SAMD4A: variants seen among roughly 807,000 people sequenced by gnomAD.
SAMD4A encodes the protein protein Smaug homolog 1.
In SAMD4A, 33 loss-of-function variants were observed where a neutral mutation model predicts 81.3. That is an observed-to-expected ratio of 0.41 (90% CI 0.31 to 0.54). SAMD4A has a LOEUF of 0.54. SAMD4A is among the 20% of genes least tolerant of loss of function. The pLI is 0.37. For synonymous variants in SAMD4A, 389 were observed against 382.1 expected (o/e 1.02, Z -0.21); for missense variants, 854 against 951.1 (o/e 0.90, Z 1.34).
intron 2 of SAMD4A, among the ~76,000 whole-genome samples, chr14:54,646,097 C>T (rs1278720804): frequency 7.2e-5 from 11 of 152,138 alleles, no homozygotes; most frequent in African/African-American, 1.7e-4. Flanking sequence ...TCTTTGTGAT[C>T]GACAAAATGA....
intron 2 of SAMD4A, among the ~76,000 whole-genome samples, chr14:54,699,093 CCT>C (rs2036646120): frequency 6.6e-6 from 1 of 152,182 alleles, no homozygotes; most frequent in African/African-American, 2.4e-5. Flanking sequence ...ACACTAGCCA[CCT>C]CTGATTACAG....
intron 6 of SAMD4A, among the ~76,000 whole-genome samples, chr14:54,758,453 G>C (rs114781770): frequency 0.013 from 1,917 of 152,358 alleles, 42 homozygotes; most frequent in African/African-American, 0.044. Context: ...TCAAGCAAGT[G>C]TAAGAGATGA....
At chr14:54,622,434 A>T (rs556556885) in intron 2 of SAMD4A, among the ~76,000 whole-genome samples, 49 of 152,380 alleles carry the variant, frequency 3.2e-4, no homozygotes, top group African/African-American at 1.1e-3. Context: ...GAGCTTATAC[A>T]TAAAGTTGTG....
intron 3 of SAMD4A, among the ~76,000 whole-genome samples, chr14:54,717,269 C>T (rs957967509): frequency 7.2e-5 from 11 of 151,838 alleles, no homozygotes; most frequent in African/African-American, 2.2e-4. Flanking sequence ...AGCTAGACCC[C>T]TATCTCTACA....
chr14:54,778,320 AGAATCTTCCACCTATAC>A (rs1398607080), intron 11 of SAMD4A, among the ~76,000 whole-genome samples: 21 of 152,184 alleles, frequency 1.4e-4, no homozygotes, highest in Non-Finnish European at 2.6e-4. Context: ...GTTTGTTGAT[AGAATCTTCCACCTATAC>A]CTTTGTTTCC....
chr14:54,674,220 A>G (rs1194419767), intron 2 of SAMD4A, among the ~76,000 whole-genome samples: 1 of 152,256 alleles, frequency 6.6e-6, no homozygotes, highest in African/African-American at 2.4e-5. Context: ...TCATTTAAGC[A>G]GTAAATATAT....
chr14:54,682,900 A>AT (rs887319183), intron 2 of SAMD4A, among the ~76,000 whole-genome samples: 1 of 152,170 alleles, frequency 6.6e-6, no homozygotes, highest in African/African-American at 2.4e-5. Flanking sequence ...GGGTTTTGGT[A>AT]TTGCTGGTAC....
intron 6 of SAMD4A, among the ~76,000 whole-genome samples, chr14:54,756,543 T>C (rs111716624): frequency 1.4e-4 from 22 of 152,322 alleles, no homozygotes; most frequent in African/African-American, 5.3e-4. Context: ...TAATTTGTTT[T>C]CATATCCCCA....
intron 3 of SAMD4A, among the ~76,000 whole-genome samples, chr14:54,733,159 A>C (rs1445920827): frequency 1.3e-5 from 2 of 152,006 alleles, no homozygotes; most frequent in Non-Finnish European, 2.9e-5. Flanking sequence ...GATTATAAGA[A>C]CCTCTGAACT....
chr14:54,744,694 C>T (rs1024793667), intron 4 of SAMD4A, among the ~76,000 whole-genome samples: 3 of 152,162 alleles, frequency 2.0e-5, no homozygotes. Context: ...CTTGCACTTC[C>T]CCCTGAAAGT....
intron 2 of SAMD4A, chr14:54,688,141 G>A (rs948717486): frequency 6.1e-6 from 6 of 985,290 alleles, no homozygotes; most frequent in Non-Finnish European, 7.2e-6. Context: ...CGTATAACCT[G>A]GACAGCAGCT....
intron 6 of SAMD4A, among the ~76,000 whole-genome samples, chr14:54,758,329 G>A (rs971916350): frequency 5.9e-5 from 9 of 152,152 alleles, no homozygotes; most frequent in South Asian, 2.1e-4. Flanking sequence ...GCCCACAGTT[G>A]AAACAGGCAC....
At chr14:54,718,146 A>G (rs1182111695) in intron 3 of SAMD4A, among the ~76,000 whole-genome samples, 1 of 152,162 alleles carries the variant, frequency 6.6e-6, no homozygotes, top group Admixed American at 6.5e-5. Flanking sequence ...TAAGCACTCA[A>G]CTGGGATAGA....
intron 2 of SAMD4A, among the ~76,000 whole-genome samples, chr14:54,678,606 C>A (rs188256112): frequency 6.7e-6 from 1 of 149,372 alleles, no homozygotes; most frequent in Non-Finnish European, 1.5e-5. Context: ...CGGAGTGCAG[C>A]GGCGCGATCA....
At chr14:54,659,896 C>G (rs550509936) in intron 2 of SAMD4A, among the ~76,000 whole-genome samples, 31 of 152,126 alleles carry the variant, frequency 2.0e-4, no homozygotes, top group Non-Finnish European at 4.0e-4. Context: ...GGGCTTGGTG[C>G]TGGGTGGCGA....
chr14:54,774,927 C>T lies in SAMD4A; in HGVS notation c.1716-7C>T. 6.2e-7 allele frequency: 1 copy of T among 1,613,932 alleles called. No homozygotes were observed. Among genetic ancestry groups the T allele is most frequent in the Non-Finnish European group, 8.5e-7 (1 of 1,179,986 alleles). ...ATATTCTCTTCCTTCTCTCTTGGCT[C>T]TCACAGTCGAGGCTTTGGGCAATCC... On this transcript the variant is annotated splice_polypyrimidine_tract_variant and splice_region_variant and intron_variant, in intron 9 of 12. Transcript: ENST00000554335.
chr14:54,789,226 G>C lies in SAMD4A; in HGVS notation c.*282G>C. ...TTATGAGACTGGGAGGGGGGTGGAG[G>C]GAATGCAGGTAGCTCTCTGGATGGA... On this transcript the variant is annotated 3_prime_UTR_variant, in exon 13 of 13. Coordinates refer to ENST00000554335, the MANE Select transcript of SAMD4A (RefSeq NM_015589.6). 1.9e-6 allele frequency: 1 copy of C among 533,722 alleles called. No homozygotes were observed. The highest frequency in any genetic ancestry group is 3.4e-6 in the Non-Finnish European group (1 of 296,104). The allele number at this position is 533,722 out of a possible 1,614,324, so 33.1% of individuals were successfully genotyped here. A position where few individuals can be genotyped will look rare whatever the true frequency, so the allele number is the denominator to read the frequency against.
At chr14:54,708,396 G>T (rs2036909386) in intron 3 of SAMD4A, among the ~76,000 whole-genome samples, 1 of 152,230 alleles carries the variant, frequency 6.6e-6, no homozygotes, top group Admixed American at 6.5e-5. Context: ...ATGTCTGTTG[G>T]AGATACTGAG....
chr14:54,582,741 T>C (rs1177273247), intron 2 of SAMD4A, among the ~76,000 whole-genome samples: 1 of 152,196 alleles, frequency 6.6e-6, no homozygotes, highest in Non-Finnish European at 1.5e-5. Context: ...ATACATTTCC[T>C]TCTGTTATAA....
Sources: allele counts gnomAD v4.1 joint callset (sites outside exome capture counted in the v4.1 genomes callset), GRCh38; gene constraint gnomAD v4.1.1; transcripts MANE v1.5; gene names NCBI Gene and HGNC (gene_info 2026-07-23, HGNC 2026-07-21).